OXR1: variants seen among roughly 807,000 people sequenced by gnomAD.
OXR1 encodes the protein oxidation resistance 1, also known as oxidation resistance protein 1.
A neutral mutation model predicts 104.6 loss-of-function variants in OXR1; 41 were observed. The observed-to-expected ratio is 0.39, with a 90% CI of 0.31 to 0.51. The LOEUF (loss-of-function observed/expected upper bound fraction) is 0.51. Ranked by LOEUF, OXR1 falls within the 20% of genes least tolerant of loss-of-function variation. OXR1 has a pLI of 0.77. For synonymous variants in OXR1, 348 were observed against 348.4 expected (o/e 1.00, Z 0.01); for missense variants, 955 against 1,031.9 (o/e 0.93, Z 1.02).
At chr8:106,373,770 A>T (rs1816802396) in intron 2 of OXR1, among the ~76,000 whole-genome samples, 1 of 152,210 alleles carries the variant, frequency 6.6e-6, no homozygotes, top group African/African-American at 2.4e-5. Flanking sequence ...CTGTATTTTT[A>T]GTAGAGACAG....
intron 2 of OXR1, among the ~76,000 whole-genome samples, chr8:106,369,273 G>C (rs1333021587): frequency 2.0e-5 from 3 of 152,100 alleles, no homozygotes; most frequent in African/African-American, 2.4e-5. Flanking sequence ...ATATGTTTAA[G>C]TTCCTTGTAA....
At chr8:106,547,255 G>A (rs1025627245) in intron 3 of OXR1, among the ~76,000 whole-genome samples, 2 of 152,092 alleles carry the variant, frequency 1.3e-5, no homozygotes, top group African/African-American at 4.8e-5. Flanking sequence ...TTCATCTCCA[G>A]AACATTTTCA....
chr8:106,677,252 C>A (rs138864920), intron 3 of OXR1, among the ~76,000 whole-genome samples: 1 of 151,266 alleles, frequency 6.6e-6, no homozygotes, highest in African/African-American at 2.4e-5. Context: ...AAAAATAAAT[C>A]GAATTTTATT....
At chr8:106,281,277 C>T (rs1243240423) in intron 1 of OXR1, among the ~76,000 whole-genome samples, 8 of 152,044 alleles carry the variant, frequency 5.3e-5, no homozygotes, top group African/African-American at 9.7e-5. Context: ...ACAGCAGCTG[C>T]GTTCATAATT....
intron 1 of OXR1, among the ~76,000 whole-genome samples, chr8:106,357,559 T>G (rs748532754): frequency 6.6e-6 from 1 of 152,024 alleles, no homozygotes; most frequent in Non-Finnish European, 1.5e-5. Flanking sequence ...TGCGCTTGTA[T>G]GCACACAACA....
intron 3 of OXR1, among the ~76,000 whole-genome samples, chr8:106,641,192 T>C (rs940548965): frequency 7.2e-5 from 11 of 152,226 alleles, no homozygotes; most frequent in African/African-American, 2.4e-4. Context: ...ATCACATCTT[T>C]CATTCCCAGA....
At chr8:106,273,072 C>T (rs1361468584) in intron 1 of OXR1, among the ~76,000 whole-genome samples, 1 of 151,988 alleles carries the variant, frequency 6.6e-6, no homozygotes, top group Non-Finnish European at 1.5e-5. Context: ...ATCTTTTACT[C>T]CCGATCTCCT....
chr8:106,297,269 A>G (rs182445850), intron 1 of OXR1, among the ~76,000 whole-genome samples: 2 of 152,226 alleles, frequency 1.3e-5, no homozygotes, highest in African/African-American at 2.4e-5. Flanking sequence ...ATTTTATTTT[A>G]TCTTATATCA....
intron 7 of OXR1, chr8:106,698,162 T>C: frequency 3.3e-6 from 2 of 605,550 alleles, no homozygotes; most frequent in Non-Finnish European, 5.9e-6. Flanking sequence ...ATATTTTCAC[T>C]AGACAGAATT....
chr8:106,353,686 A>G (rs578259802), intron 1 of OXR1, among the ~76,000 whole-genome samples: 24 of 152,154 alleles, frequency 1.6e-4, no homozygotes, highest in Non-Finnish European at 1.2e-4. Context: ...TGGAATGGCT[A>G]AATCAAGCTA....
chr8:106,566,964 G>A (rs1189973080), intron 3 of OXR1, among the ~76,000 whole-genome samples: 1 of 152,032 alleles, frequency 6.6e-6, no homozygotes, highest in African/African-American at 2.4e-5. Flanking sequence ...GGGGCCTGTC[G>A]GGGGTTGGAG....
chr8:106,519,236 A>G, intron 3 of OXR1, 97 bp downstream of exon 3: 1 of 704,672 alleles, frequency 1.4e-6, no homozygotes, highest in East Asian at 2.8e-5. Context: ...TCCTTGTTAT[A>G]AAACATGTAA....
intron 16 of OXR1, among the ~76,000 whole-genome samples, chr8:106,749,038 G>C (rs973623136): frequency 6.6e-6 from 1 of 151,754 alleles, no homozygotes; most frequent in Non-Finnish European, 1.5e-5. Flanking sequence ...TTCTAAGATA[G>C]TGTTAAAAAT....
At chr8:106,671,044 C>CAAAAAAAAA (rs60404483) in intron 3 of OXR1, among the ~76,000 whole-genome samples, 32 of 48,814 alleles carry the variant, frequency 6.6e-4, no homozygotes, top group Middle Eastern at 0.013. Flanking sequence ...GACTCTGTCT[C>CAAAAAAAAA]AAAAAAAAAA....
At chr8:106,435,631 C>G (rs1015073951) in intron 2 of OXR1, among the ~76,000 whole-genome samples, 1 of 152,074 alleles carries the variant, frequency 6.6e-6, no homozygotes, top group Non-Finnish European at 1.5e-5. Flanking sequence ...CATGATGGGA[C>G]GGGGTGACCA....
intron 3 of OXR1, among the ~76,000 whole-genome samples, chr8:106,603,894 AATATAAAAATTAGCTGGGCGT>A (rs1820159713): frequency 6.6e-6 from 1 of 151,972 alleles, no homozygotes; most frequent in South Asian, 2.1e-4. Flanking sequence ...CTCTACTAAA[AATATAAAAATTAGCTGGGCGT>A]GGTGGTGCAT....
At position 106,542,357 on chromosome 8, in the gene OXR1, C is replaced by G. The variant is rs11786164; in HGVS notation, c.220+23218C>G. 9.6e-3 allele frequency among the ~76,000 whole-genome samples: 1,454 copies of G among 152,196 alleles called. 10 individuals are homozygous for G. Among genetic ancestry groups the G allele is most frequent in the Non-Finnish European group, 0.015 (1,004 of 67,996 alleles). ...TGGTGTTGCACTTGACTGGGGAAAA[C>G]ACTCCCCCCTACACCTAGATGGATT... is the stretch of plus-strand genomic sequence containing the variant. On this transcript the variant is annotated intron_variant, in intron 3 of 16. Coordinates refer to ENST00000517566, the MANE Select transcript of OXR1 (RefSeq NM_001198533.2).
chr8:106,502,587 G>A (rs963018017), intron 2 of OXR1, among the ~76,000 whole-genome samples: 2 of 152,054 alleles, frequency 1.3e-5, no homozygotes, highest in African/African-American at 4.8e-5. Context: ...TCAAATGTCT[G>A]CTCTTTATTC....
At chr8:106,470,179 A>G (rs1821411311) in intron 2 of OXR1, among the ~76,000 whole-genome samples, 1 of 151,794 alleles carries the variant, frequency 6.6e-6, no homozygotes, top group Non-Finnish European at 1.5e-5. Flanking sequence ...TTCAGAGCAA[A>G]GGATAGTCAT....
Sources: allele counts gnomAD v4.1 joint callset (sites outside exome capture counted in the v4.1 genomes callset), GRCh38; gene constraint gnomAD v4.1.1; transcripts MANE v1.5; gene names NCBI Gene and HGNC (gene_info 2026-07-23, HGNC 2026-07-21).